Variants in MSL2 observed in about 807,000 individuals in gnomAD.
MSL2 encodes the protein E3 ubiquitin-protein ligase MSL2.
MSL2 carries 2 observed loss-of-function variants against 35.8 expected under a neutral mutation model. The observed-to-expected ratio is 0.06, with a 90% confidence interval of 0.02 to 0.18. MSL2 has a LOEUF of 0.18. Ranked by LOEUF, MSL2 falls within the 10% of genes least tolerant of loss-of-function variation. The pLI is 1.00. For synonymous variants in MSL2, 296 were observed against 255.7 expected (o/e 1.16, Z -1.50); for missense variants, 523 against 706.7 (o/e 0.74, Z 2.95).
At chr3:136,152,808 G>C in intron 1 of MSL2, 70 bp from the exon 2 acceptor site, 1 of 1,548,934 alleles carries the variant, frequency 6.5e-7, no homozygotes, top group Admixed American at 1.9e-5. Context: ...CTGAAGTTTA[G>C]ATGACATAAG....
chr3:136,192,559 A>C (rs1940720447), intron 1 of MSL2, among the ~76,000 whole-genome samples: 1 of 152,064 alleles, frequency 6.6e-6, no homozygotes, highest in Non-Finnish European at 1.5e-5. Flanking sequence ...TGTTTTAGGC[A>C]GAAGAAAATT....
intron 1 of MSL2, among the ~76,000 whole-genome samples, chr3:136,191,405 T>C (rs1487659360): frequency 3.3e-5 from 5 of 150,198 alleles, no homozygotes; most frequent in Admixed American, 1.3e-4. Flanking sequence ...GAGGTAGAGG[T>C]TGCAGTGAGC....
chr3:136,160,309 A>G (rs1233565038), intron 1 of MSL2, among the ~76,000 whole-genome samples: 1 of 75,318 alleles, frequency 1.3e-5, no homozygotes, highest in African/African-American at 4.9e-5. Context: ...GAGGGAAGGA[A>G]GGAGGGAGGG....
intron 1 of MSL2, among the ~76,000 whole-genome samples, chr3:136,170,826 A>G (rs557796616): frequency 6.6e-6 from 1 of 152,056 alleles, no homozygotes; most frequent in Non-Finnish European, 1.5e-5. Context: ...AAATAACTCC[A>G]ATCAGGCCAA....
At position 136,195,355 on chromosome 3, in the gene MSL2, G is replaced by C; in HGVS notation, c.-242C>G. ...GACCAAAAATATGAGAGAGAAACCA[G>C]CGTTCGAGTTCGTCCGGAGCGACCA... On this transcript the variant is annotated 5_prime_UTR_variant, in exon 1 of 2. Coordinates refer to ENST00000309993, the MANE Select transcript of MSL2 (RefSeq NM_018133.4). 2 of 1,277,646 alleles carry C rather than the reference G, an allele frequency of 1.6e-6. No individual in the cohort carries two copies. Among genetic ancestry groups the C allele is most frequent in the Non-Finnish European group, 2.0e-6 (2 of 1,011,504 alleles). The allele number at this position is 1,277,646 out of a possible 1,614,324, so 79.1% of individuals were successfully genotyped here.
At chr3:136,174,876 G>A (rs904754042) in intron 1 of MSL2, among the ~76,000 whole-genome samples, 1 of 152,154 alleles carries the variant, frequency 6.6e-6, no homozygotes, top group Non-Finnish European at 1.5e-5. Flanking sequence ...GTATTCATGT[G>A]TAATATATAT....
Position 136,166,342 on chromosome 3 carries a change from C to T in MSL2, c.143-13604G>A, listed in dbSNP as rs567447202. ...GGTGGAGGTGGCAGTGAGACAAGAT[C>T]GCACCACTGCACTCCAGCCTGGGCG... On this transcript the variant is annotated intron_variant, in intron 1 of 1. Transcript: ENST00000309993. Among the ~76,000 whole-genome samples the T allele has an allele frequency of 1.2e-4, 18 of 151,762 alleles. No homozygotes were observed. In the East Asian group the frequency reaches 1.9e-3, roughly 16 times the overall value.
At position 136,189,783 on chromosome 3, in the gene MSL2, G is replaced by A. The variant is rs1455796887; in HGVS notation, c.142+5189C>T. Among the ~76,000 whole-genome samples, 18 of 149,354 alleles carry A rather than the reference G, an allele frequency of 1.2e-4. No homozygotes were observed. In the Admixed American group the frequency reaches 1.2e-3, roughly 10 times the overall value. Reference sequence around the variant, plus strand: ...AAAACAGGTAAACTAAGAAAAAACTGTTAAAATAGACCCTGTTTTAACACC... The same window carrying A: ...AAAACAGGTAAACTAAGAAAAAACTATTAAAATAGACCCTGTTTTAACACC... On this transcript the variant is annotated intron_variant, in intron 1 of 1. Coordinates refer to ENST00000309993, the MANE Select transcript of MSL2 (RefSeq NM_018133.4).
intron 1 of MSL2, among the ~76,000 whole-genome samples, chr3:136,194,735 AATTAAACC>A (rs1349878242): frequency 2.0e-5 from 3 of 151,832 alleles, no homozygotes; most frequent in Admixed American, 6.6e-5. Context: ...AACCGAGGCG[AATTAAACC>A]ATTTTGAACG....
intron 1 of MSL2, among the ~76,000 whole-genome samples, chr3:136,169,512 A>G (rs903589015): frequency 1.3e-5 from 2 of 151,992 alleles, no homozygotes; most frequent in African/African-American, 4.8e-5. Flanking sequence ...GGAGTGGCAT[A>G]ATCTGGGCTC....
In MSL2 at chr3:136,195,703, C is replaced by G. The variant is rs992373991; in HGVS notation, c.-590G>C. 4.1e-6 allele frequency: 4 copies of G among 985,200 alleles called. No homozygotes were observed. The highest frequency in any genetic ancestry group is 4.7e-5 in the South Asian group (1 of 21,284). 61.0% of individuals were successfully genotyped at this position (985,200 alleles called of 1,614,324 possible). A position where few individuals can be genotyped will look rare whatever the true frequency, so the allele number is the denominator to read the frequency against. ...GAAGGTTGATGTTGCGGCTGGCGGA[C>G]GCCGCCGCCGCGCTCTCCATATCGG... On this transcript the variant is annotated 5_prime_UTR_variant, in exon 1 of 2. Coordinates refer to ENST00000309993, the MANE Select transcript of MSL2 (RefSeq NM_018133.4).
chr3:136,193,274 T>G (rs1940741101), intron 1 of MSL2, among the ~76,000 whole-genome samples: 1 of 151,716 alleles, frequency 6.6e-6, no homozygotes, highest in African/African-American at 2.4e-5. Context: ...TCTGAGGTTC[T>G]TAACAGTTTT....
At position 136,152,748 on chromosome 3, in the gene MSL2, A is replaced by G. The variant is rs1939408715; in HGVS notation, c.143-10T>C. ...TCTTGTAGCAAATGTCCTAAGGGGG[A>G]GAAGGAGGAAAGCAAAGATTTTAGT... On this transcript the variant is annotated splice_polypyrimidine_tract_variant and intron_variant, in intron 1 of 1. Transcript: ENST00000309993. The G allele has an allele frequency of 6.2e-7, 1 of 1,604,724 alleles. No homozygotes were observed. The highest frequency in any genetic ancestry group is 1.1e-5 in the South Asian group (1 of 90,320).
In MSL2 at chr3:136,195,196, A is replaced by G. The variant is rs1940801250; in HGVS notation, c.-83T>C. On this transcript the variant is annotated 5_prime_UTR_variant, in exon 1 of 2. Coordinates refer to ENST00000309993, the MANE Select transcript of MSL2 (RefSeq NM_018133.4). ...GTAAGCAGCCAGGGAACGATGGCGA[A>G]TTTGCAACAATTCGGAAGAAATCAG... 4 of 1,542,630 alleles carry G rather than the reference A, an allele frequency of 2.6e-6. No homozygotes were observed. Among genetic ancestry groups the G allele is most frequent in the Non-Finnish European group, 3.5e-6 (4 of 1,148,530 alleles).
In MSL2 at chr3:136,195,651, T is replaced by C; in HGVS notation, c.-538A>G. The stretch of plus-strand genomic sequence containing the variant: ...GACGGTCGGGCAGCGGCTTCCCGGA[T>C]CTAGTGCAAGACGCCGCGGCGGCGA... On this transcript the variant is annotated 5_prime_UTR_variant, in exon 1 of 2. Coordinates refer to ENST00000309993, the MANE Select transcript of MSL2 (RefSeq NM_018133.4). 2 of 980,166 alleles carry C rather than the reference T, an allele frequency of 2.0e-6. No individual in the cohort carries two copies. Among genetic ancestry groups the C allele is most frequent in the Non-Finnish European group, 2.4e-6 (2 of 825,076 alleles). The allele number at this position is 980,166 out of a possible 1,614,324, so 60.7% of individuals were successfully genotyped here.
At chr3:136,160,671 T>G (rs925722584) in intron 1 of MSL2, among the ~76,000 whole-genome samples, 1 of 150,192 alleles carries the variant, frequency 6.7e-6, no homozygotes, top group Non-Finnish European at 1.5e-5. Flanking sequence ...ACCATGCCAT[T>G]GCACTCCAGC....
At chr3:136,184,388 G>A (rs948340814) in intron 1 of MSL2, among the ~76,000 whole-genome samples, 2 of 151,872 alleles carry the variant, frequency 1.3e-5, no homozygotes, top group African/African-American at 4.8e-5. Flanking sequence ...ATCACCTGAG[G>A]TCAGGAGTTC....
chr3:136,179,526 G>A (rs1046656788), intron 1 of MSL2, among the ~76,000 whole-genome samples: 2 of 152,168 alleles, frequency 1.3e-5, no homozygotes, highest in Non-Finnish European at 2.9e-5. Context: ...GATGAACCAG[G>A]ATAAGGAATC....
chr3:136,178,532 C>CTTTT (rs1180948007), intron 1 of MSL2, among the ~76,000 whole-genome samples: 1 of 134,874 alleles, frequency 7.4e-6, no homozygotes, highest in Non-Finnish European at 1.6e-5. Context: ...TTTACTGGCA[C>CTTTT]TTTTTTTTTT....
Sources: gnomAD v4.1 joint callset for allele counts (sites outside exome capture counted in the v4.1 genomes callset) on GRCh38, gnomAD v4.1.1 for gene constraint, MANE v1.5 for transcripts, NCBI Gene and HGNC (gene_info 2026-07-23, HGNC 2026-07-21) for gene names.